SPG11: variants seen among roughly 807,000 people sequenced by gnomAD.
The protein encoded by SPG11 is spatacsin.
In SPG11, 222 loss-of-function variants were observed where a neutral mutation model predicts 274.0. The ratio of observed to expected loss-of-function variants is 0.81; its 90% CI spans 0.73 to 0.91. SPG11 has a LOEUF of 0.91. Ranked by LOEUF, SPG11 falls within the 40% of genes least tolerant of loss-of-function variation. SPG11 has a pLI of 0.00. For missense variants in SPG11, 3,114 were observed against 2,872.7 expected (o/e 1.08, Z -1.92); for synonymous variants, 1,144 against 1,039.7 (o/e 1.10, Z -1.93).
chr15:44,663,475 G>C lies in SPG11; in HGVS notation c.173C>G (p.Thr58Arg). 1 of 1,594,032 alleles carries C rather than the reference G, an allele frequency of 6.3e-7. No individual in the cohort carries two copies. Among genetic ancestry groups the C allele is most frequent in the Non-Finnish European group, 8.5e-7 (1 of 1,171,038 alleles). ...AAGCACTTGGAGGCTGCCCGCAGCC[G>C]TCAGGCTCCCCAGAGCCTCCGGCTG... ...RTQPEALGSLTAAGSLQVLSL... is the reference protein window; with the variant it reads ...RTQPEALGSLRAAGSLQVLSL... The change falls in exon 1 of 40, where the codon ACG becomes AGG. Residue 58 changes from threonine to arginine, a missense_variant. Coordinates refer to ENST00000261866, the MANE Select transcript of SPG11 (RefSeq NM_025137.4).
chr15:44,622,060 T>C, intron 13 of SPG11, 126 bp from the exon 14 acceptor site: 2 of 1,168,932 alleles, frequency 1.7e-6, no homozygotes, highest in Non-Finnish European at 2.4e-6. Flanking sequence ...AATATTAAAA[T>C]GACAGAAAAC....
chr15:44,594,388 T>C (rs1203275613), intron 26 of SPG11, among the ~76,000 whole-genome samples: 3 of 151,820 alleles, frequency 2.0e-5, no homozygotes, highest in Admixed American at 6.6e-5. Flanking sequence ...ATCGTGCCAC[T>C]GCACTCCAGC....
rs1265100911 is a variant in SPG11 at position 44,598,627 on chromosome 15, G to GT, written c.3892+3dup. ...CAAAGCAGGCCAGATAAAAGGTGCT[G>GT]TACCTACAGACTCTCTGATAAAGCT... On this transcript the variant is annotated splice_donor_region_variant and intron_variant, in intron 22 of 39. Transcript: ENST00000261866. 6 of 1,613,716 alleles carry GT rather than the reference G, an allele frequency of 3.7e-6. No individual in the cohort carries two copies. Among genetic ancestry groups the GT allele is most frequent in the Non-Finnish European group, 5.1e-6 (6 of 1,179,670 alleles).
Position 44,643,582 on chromosome 15 carries a change from C to T in SPG11, c.1602+5284G>A, listed in dbSNP as rs1444068019. On this transcript the variant is annotated intron_variant, in intron 7 of 39. Coordinates refer to ENST00000261866, the MANE Select transcript of SPG11 (RefSeq NM_025137.4). ...CTGTAAGAGCTAAAACTATAAAAGT[C>T]TTGTAAGAATAAATCTGCACAATCT... Among the ~76,000 whole-genome samples, 115 of 152,188 alleles carry T rather than the reference C, an allele frequency of 7.6e-4. 2 individuals carry two copies. In the South Asian group the frequency reaches 0.012, roughly 15 times the overall value.
chr15:44,654,630 A>G (rs148169625), intron 4 of SPG11, among the ~76,000 whole-genome samples: 10 of 152,202 alleles, frequency 6.6e-5, no homozygotes, highest in African/African-American at 2.4e-4. Flanking sequence ...ATCTGAGGTC[A>G]TAAGTTCAAA....
chr15:44,638,688 G>A (rs2141071970), intron 7 of SPG11, among the ~76,000 whole-genome samples: 1 of 152,150 alleles, frequency 6.6e-6, no homozygotes, highest in South Asian at 2.1e-4. Context: ...GTGGTTACAA[G>A]AGTTTTTGCT....
Position 44,620,419 on chromosome 15 carries a change from C to T in SPG11, c.2621-16G>A. 2 of 1,554,882 alleles carry T rather than the reference C, an allele frequency of 1.3e-6. No individual in the cohort carries two copies. ...GATTTGTATTCTACATGAAAAAAAA[C>T]ACATTTTAAAATATAATTAATTATG... On this transcript the variant is annotated splice_polypyrimidine_tract_variant and intron_variant, in intron 14 of 39. Transcript: ENST00000261866.
Position 44,563,253 on chromosome 15 carries a change from TTTC to T in SPG11, c.7197_7199del (p.Lys2400del). On this transcript the variant is annotated inframe_deletion, in exon 40 of 40. Coordinates refer to ENST00000261866, the MANE Select transcript of SPG11 (RefSeq NM_025137.4). ...AAACATCTTCACAATATGTGAGTAA[TTTC>T]TTCAGGTTTTCCATGACCATGTCAG... is the stretch of plus-strand genomic sequence containing the variant. The T allele has an allele frequency of 6.2e-7, 1 of 1,614,062 alleles. No homozygotes were observed. Among genetic ancestry groups the T allele is most frequent in the East Asian group, 2.2e-5 (1 of 44,882 alleles).
chr15:44,579,273 T>C (rs1412030144), intron 30 of SPG11, among the ~76,000 whole-genome samples: 1 of 143,570 alleles, frequency 7.0e-6, no homozygotes, highest in Non-Finnish European at 1.5e-5. Context: ...GCCTGTAATC[T>C]CAGCACTTTG....
chr15:44,576,575 G>C (rs952523797), intron 30 of SPG11, among the ~76,000 whole-genome samples: 5 of 151,582 alleles, frequency 3.3e-5, no homozygotes, highest in East Asian at 2.0e-4. Context: ...CGTGAACCCG[G>C]GAGGTGGAGC....
Position 44,596,189 on chromosome 15 carries a change from T to C in SPG11, c.4328A>G (p.Glu1443Gly). 6.2e-7 allele frequency: 1 copy of C among 1,614,172 alleles called. No individual in the cohort carries two copies. The highest frequency in any genetic ancestry group is 8.5e-7 in the Non-Finnish European group (1 of 1,180,034). ...GSKQEMTDLFEILLQCSEEPD... is the reference protein window; with the variant it reads ...GSKQEMTDLFGILLQCSEEPD... The stretch of plus-strand genomic sequence containing the variant: ...CTCCTCTGAGCATTGGAGCAGAATT[T>C]CAAATAAATCGGTCATCTCTTGTTT... The change falls in exon 25 of 40, where the codon GAA becomes GGA. Residue 1443 changes from glutamate to glycine, a missense_variant. By Grantham distance (98) the Glu-to-Gly change is moderately conservative (BLOSUM62 -2). Transcript: ENST00000261866.
intron 16 of SPG11, among the ~76,000 whole-genome samples, chr15:44,614,441 C>G (rs964733994): frequency 1.3e-5 from 2 of 152,202 alleles, no homozygotes; most frequent in Non-Finnish European, 2.9e-5. Flanking sequence ...CCAGGCTGAT[C>G]TTGAACTTTT....
At chr15:44,637,150 C>T (rs2084302022) in intron 7 of SPG11, among the ~76,000 whole-genome samples, 1 of 151,644 alleles carries the variant, frequency 6.6e-6, no homozygotes, top group African/African-American at 2.4e-5. Context: ...TGTTTAATAG[C>T]AGATTAGACA....
intron 8 of SPG11, among the ~76,000 whole-genome samples, chr15:44,631,766 A>AAGTGTT (rs1481687344): frequency 1.3e-5 from 2 of 150,802 alleles, no homozygotes; most frequent in African/African-American, 4.9e-5. Flanking sequence ...GGGCCTCCCA[A>AAGTGTT]AGTGTTGGGA....
chr15:44,609,372 G>A (rs925787499), intron 18 of SPG11, among the ~76,000 whole-genome samples: 6 of 151,058 alleles, frequency 4.0e-5, no homozygotes, highest in African/African-American at 7.3e-5. Context: ...CTCGTGATCC[G>A]CCCGCCTCAC....
intron 35 of SPG11, 66 bp downstream of exon 35, chr15:44,569,332 G>C: frequency 8.4e-7 from 1 of 1,193,198 alleles, no homozygotes; most frequent in Middle Eastern, 1.9e-4. Flanking sequence ...TTATTCCTGA[G>C]AAAAGCTGAG....
At chr15:44,644,640 G>A (rs2084553743) in intron 7 of SPG11, among the ~76,000 whole-genome samples, 1 of 152,116 alleles carries the variant, frequency 6.6e-6, no homozygotes, top group Non-Finnish European at 1.5e-5. Flanking sequence ...AACTATCTCT[G>A]TTTGCAGCTG....
rs2085025522 is a variant in SPG11, at chr15:44,659,070, C to T, written c.667+9G>A. ...ACGTATCAATCAACACTTCTACCACCAAGGATACAGATCCAGCCTAAACTA... is the reference window on the plus strand; with the variant it reads ...ACGTATCAATCAACACTTCTACCACTAAGGATACAGATCCAGCCTAAACTA... On this transcript the variant is annotated intron_variant, in intron 3 of 39. Transcript: ENST00000261866. 1 of 1,613,338 alleles carries T rather than the reference C, an allele frequency of 6.2e-7. No individual in the cohort carries two copies. Among genetic ancestry groups the T allele is most frequent in the Non-Finnish European group, 8.5e-7 (1 of 1,179,302 alleles).
At position 44,602,237 on chromosome 15, in the gene SPG11, C is replaced by T. The variant is rs74438539; in HGVS notation, c.3521-1605G>A. ...TTTTGCTTAAATGCTCTGGCTAGGA[C>T]TTCAACTACTATGTTGAACAGAAGT... On this transcript the variant is annotated intron_variant, in intron 20 of 39. Coordinates refer to ENST00000261866, the MANE Select transcript of SPG11 (RefSeq NM_025137.4). Among the ~76,000 whole-genome samples, 19 of 152,178 alleles carry T rather than the reference C, an allele frequency of 1.2e-4. No individual in the cohort carries two copies. The East Asian group carries it at 3.5e-3, about 28-fold the overall frequency.
Sources: allele counts gnomAD v4.1 joint callset (sites outside exome capture counted in the v4.1 genomes callset), GRCh38; gene constraint gnomAD v4.1.1; transcripts MANE v1.5; gene names NCBI Gene and HGNC (gene_info 2026-07-23, HGNC 2026-07-21).